CSMD1: variants seen among roughly 807,000 people sequenced by gnomAD.
The protein encoded by CSMD1 is CUB and Sushi multiple domains 1.
In CSMD1, 213 loss-of-function variants were observed where a neutral mutation model predicts 417.5. That is an observed-to-expected ratio of 0.51 (90% CI 0.46 to 0.57). CSMD1 has a LOEUF of 0.57. Among genes scored for constraint, CSMD1 ranks in the 20% least tolerant of loss-of-function variants. The pLI is 0.00. For missense variants in CSMD1, 6,923 were observed against 4,529.7 expected, an observed-to-expected ratio of 1.53 and a Z score of -15.17; for synonymous variants, 2,862 against 1,736.8, an observed-to-expected ratio of 1.65 and a Z score of -16.11.
At chr8:4,252,002 G>C (rs567854808) in intron 3 of CSMD1, among the ~76,000 whole-genome samples, 2 of 152,256 alleles carry the variant, frequency 1.3e-5, no homozygotes, top group East Asian at 1.9e-4. Flanking sequence ...TACAAGCATA[G>C]AGAACTTACG....
At chr8:4,303,295 T>C (rs1476993718) in intron 3 of CSMD1, among the ~76,000 whole-genome samples, 1 of 152,284 alleles carries the variant, frequency 6.6e-6, no homozygotes, top group Non-Finnish European at 1.5e-5. Flanking sequence ...TTATTTTTAC[T>C]TAGTTATAAC....
In CSMD1 at chr8:4,185,429, C is replaced by A. The variant is rs373345394; in HGVS notation, c.416-153330G>T. Among the ~76,000 whole-genome samples, 156 of 152,132 alleles carry A rather than the reference C, an allele frequency of 1.0e-3. 6 individuals carry two copies. In the South Asian group the frequency reaches 0.031, roughly 30 times the overall value. ...TAAGCAATAAACATACACGTGTGAG[C>A]TTGATAAATAATGATTTTAAAAACA... On this transcript the variant is annotated intron_variant, in intron 3 of 69. Coordinates refer to ENST00000635120, the MANE Select transcript of CSMD1 (RefSeq NM_033225.6).
intron 6 of CSMD1, among the ~76,000 whole-genome samples, chr8:3,732,412 T>A (rs1233886958): frequency 6.6e-6 from 1 of 152,166 alleles, no homozygotes; most frequent in Non-Finnish European, 1.5e-5. Flanking sequence ...TCAATGAAAT[T>A]AATAATGAAC....
At chr8:4,974,814 T>C (rs1238606696) in intron 1 of CSMD1, among the ~76,000 whole-genome samples, 2 of 152,172 alleles carry the variant, frequency 1.3e-5, no homozygotes, top group East Asian at 1.9e-4. Flanking sequence ...AAATACAGTA[T>C]TGAGCTGTCT....
At chr8:4,360,430 G>C (rs1801686129) in intron 3 of CSMD1, among the ~76,000 whole-genome samples, 3 of 152,142 alleles carry the variant, frequency 2.0e-5, no homozygotes. Flanking sequence ...TTAATTAACT[G>C]TGTTTTAAGT....
intron 3 of CSMD1, among the ~76,000 whole-genome samples, chr8:4,034,290 T>C (rs1340253339): frequency 6.6e-6 from 1 of 152,212 alleles, no homozygotes; most frequent in Non-Finnish European, 1.5e-5. Flanking sequence ...AGATATTGAA[T>C]ATTATTGACA....
chr8:4,215,799 T>G (rs1800632579), intron 3 of CSMD1, among the ~76,000 whole-genome samples: 1 of 152,184 alleles, frequency 6.6e-6, no homozygotes, highest in African/African-American at 2.4e-5. Flanking sequence ...TATTCTCTCC[T>G]TTTCTGGCAC....
chr8:3,793,472 C>A (rs187997266), intron 5 of CSMD1, among the ~76,000 whole-genome samples: 3 of 151,464 alleles, frequency 2.0e-5, no homozygotes, highest in East Asian at 3.9e-4. Flanking sequence ...CCATGCCCCC[C>A]ATCCAGCCAA....
At chr8:4,683,959 A>C (rs1376102908) in intron 1 of CSMD1, among the ~76,000 whole-genome samples, 1 of 152,244 alleles carries the variant, frequency 6.6e-6, no homozygotes, top group Non-Finnish European at 1.5e-5. Flanking sequence ...AAAGATATTT[A>C]TCACAGTGAA....
At chr8:4,976,622 T>C (rs1356575828) in intron 1 of CSMD1, among the ~76,000 whole-genome samples, 3 of 152,320 alleles carry the variant, frequency 2.0e-5, no homozygotes, top group African/African-American at 7.2e-5. Context: ...AAGCACATTG[T>C]GTGCTAAACT....
intron 1 of CSMD1, among the ~76,000 whole-genome samples, chr8:4,641,634 C>T (rs1007226116): frequency 3.3e-5 from 5 of 152,118 alleles, no homozygotes; most frequent in Admixed American, 6.5e-5. Context: ...AGCCTAGAGC[C>T]GTCCCACCAA....
intron 5 of CSMD1, among the ~76,000 whole-genome samples, chr8:3,770,990 TTC>T (rs147124793): frequency 1.1e-4 from 16 of 144,904 alleles, no homozygotes; most frequent in Admixed American, 1.4e-4. Flanking sequence ...TTTGGACAGT[TTC>T]TCTCTCTCTC....
chr8:4,503,680 T>C (rs540449492), intron 2 of CSMD1, among the ~76,000 whole-genome samples: 5 of 152,034 alleles, frequency 3.3e-5, no homozygotes, highest in Non-Finnish European at 7.4e-5. Flanking sequence ...CCTGATGCAT[T>C]AACCTGGACT....
At chr8:4,607,512 C>A (rs900994379) in intron 2 of CSMD1, among the ~76,000 whole-genome samples, 1 of 152,254 alleles carries the variant, frequency 6.6e-6, no homozygotes, top group East Asian at 1.9e-4. Flanking sequence ...CTGGCTAAGA[C>A]AAACTGGATT....
At chr8:3,779,554 G>A (rs1799067618) in intron 5 of CSMD1, among the ~76,000 whole-genome samples, 2 of 152,162 alleles carry the variant, frequency 1.3e-5, no homozygotes, top group South Asian at 2.1e-4. Flanking sequence ...AATTAGCAGT[G>A]AATTATGCTC....
intron 11 of CSMD1, among the ~76,000 whole-genome samples, chr8:3,470,733 C>G (rs1817043442): frequency 6.6e-6 from 1 of 152,084 alleles, no homozygotes; most frequent in South Asian, 2.1e-4. Flanking sequence ...GTATCCATCT[C>G]TAAATTATTT....
In CSMD1 at chr8:3,344,920, C is replaced by T. The variant is rs1807891580; in HGVS notation, c.3475-1470G>A. On this transcript the variant is annotated intron_variant, in intron 22 of 69. Coordinates refer to ENST00000635120, the MANE Select transcript of CSMD1 (RefSeq NM_033225.6). ...TTACTAAAAGACTATTGACCCAGGT[C>T]ATTGTGTAAAAACCATTATTTGGTT... Among the ~76,000 whole-genome samples the T allele has an allele frequency of 2.6e-5, 4 of 152,262 alleles. No homozygotes were observed. The South Asian group carries it at 8.3e-4, about 32-fold the overall frequency.
At chr8:4,964,676 C>T (rs1286978954) in intron 1 of CSMD1, among the ~76,000 whole-genome samples, 1 of 152,072 alleles carries the variant, frequency 6.6e-6, no homozygotes. Context: ...CTCAGAGATT[C>T]TCCATTCTCC....
At chr8:3,528,401 G>A (rs1446127049) in intron 10 of CSMD1, among the ~76,000 whole-genome samples, 3 of 152,156 alleles carry the variant, frequency 2.0e-5, no homozygotes, top group South Asian at 2.1e-4. Flanking sequence ...CTTAGCACTC[G>A]TGGGGGAAGG....
Sources: gnomAD v4.1 joint callset for allele counts (sites outside exome capture counted in the v4.1 genomes callset) on GRCh38, gnomAD v4.1.1 for gene constraint, MANE v1.5 for transcripts, NCBI Gene and HGNC (gene_info 2026-07-23, HGNC 2026-07-21) for gene names.